Variants in DNAJB14 observed in about 807,000 individuals in gnomAD.
The protein encoded by DNAJB14 is DnaJ heat shock protein family (Hsp40) member B14.
A neutral mutation model predicts 48.4 loss-of-function variants in DNAJB14; 22 were observed. The observed-to-expected ratio is 0.45, with a 90% CI of 0.32 to 0.65. The LOEUF is 0.65. DNAJB14 is among the 30% of genes least tolerant of loss of function. The pLI is 0.03. For missense variants in DNAJB14, 319 were observed against 458.8 expected (o/e 0.70, Z 2.78); for synonymous variants, 142 against 158.7 (o/e 0.89, Z 0.79).
chr4:99,924,878 A>AT, intron 2 of DNAJB14: 1 of 1,242,454 alleles, frequency 8.0e-7, no homozygotes, highest in Middle Eastern at 2.0e-4. Flanking sequence ...TCAACTGTAG[A>AT]TTTTGCCTCT....
At chr4:99,907,835 A>G (rs1204973863) in intron 4 of DNAJB14, among the ~76,000 whole-genome samples, 1 of 152,188 alleles carries the variant, frequency 6.6e-6, no homozygotes, top group African/African-American at 2.4e-5. Flanking sequence ...GACTAAAGCT[A>G]TAATTTTAAG....
At chr4:99,905,818 G>C in intron 5 of DNAJB14, 112 bp from the exon 6 acceptor site, 1 of 1,297,030 alleles carries the variant, frequency 7.7e-7, no homozygotes, top group Non-Finnish European at 1.1e-6. Flanking sequence ...ATCTAGTTCA[G>C]TGCTTTCAAA....
Position 99,901,086 on chromosome 4 carries a change from A to G in DNAJB14, c.1082T>C (p.Leu361Ser). The change falls in exon 8 of 8, where the codon TTG becomes TCG. Residue 361 changes from leucine (L) to serine (S), a missense_variant. Around this residue, in one of 3 missense-constraint regions of DNAJB14, gnomAD observed 166 missense variants for 236.3 expected, o/e 0.70. Coordinates refer to ENST00000442697, the MANE Select transcript of DNAJB14 (RefSeq NM_001031723.4). ...TAATTCTTTACAGTTGTCCATGCTC[A>G]AGGCATCTGCCTTCCTTCGGAGTCG... ...DDRLRRKADA[L>S]SMDNCKELER... 8.1e-6 allele frequency: 13 copies of G among 1,611,178 alleles called. No homozygotes were observed. Among genetic ancestry groups the G allele is most frequent in the Non-Finnish European group, 1.1e-5 (13 of 1,179,340 alleles).
At position 99,937,357 on chromosome 4, in the gene DNAJB14, T is replaced by C. The variant is rs1053944202; in HGVS notation, c.134-6736A>G. On this transcript the variant is annotated intron_variant, in intron 1 of 7. Coordinates refer to ENST00000442697, the MANE Select transcript of DNAJB14 (RefSeq NM_001031723.4). ...GTGGAGGAAAACAGCAATCACTAAC[T>C]TAACTAAGTGATCAAAGTAACCTCA... Among the ~76,000 whole-genome samples, 3 of 152,016 alleles carry C rather than the reference T, an allele frequency of 2.0e-5. No homozygotes were observed. In the East Asian group the frequency reaches 5.8e-4, roughly 29 times the overall value.
intron 2 of DNAJB14, chr4:99,924,653 C>CA (rs1276253563): frequency 1.2e-5 from 18 of 1,454,700 alleles, no homozygotes; most frequent in East Asian, 2.4e-5. Flanking sequence ...TATCTGTAAA[C>CA]AAAAAAAGAG....
At position 99,898,911 on chromosome 4, in the gene DNAJB14, G is replaced by A. The variant is rs912834032; in HGVS notation, c.*2117C>T. ...ATACCATGATATAGATGACATTAAG[G>A]ACTGAATCTTTACTTGCATACTTCA... On this transcript the variant is annotated 3_prime_UTR_variant, in exon 8 of 8. Coordinates refer to ENST00000442697, the MANE Select transcript of DNAJB14 (RefSeq NM_001031723.4). The A allele has an allele frequency of 5.9e-5, 9 of 151,826 alleles. No homozygotes were observed. Among genetic ancestry groups the A allele is most frequent in the Admixed American group, 5.2e-4 (8 of 15,242 alleles). The allele number at this position is 151,826 out of a possible 1,614,324, so 9.4% of individuals were successfully genotyped here.
chr4:99,937,092 G>A (rs1578237397), intron 1 of DNAJB14, among the ~76,000 whole-genome samples: 1 of 151,766 alleles, frequency 6.6e-6, no homozygotes, highest in African/African-American at 2.4e-5. Flanking sequence ...CGAGGCGGGC[G>A]GATCAGGAGG....
intron 1 of DNAJB14, among the ~76,000 whole-genome samples, chr4:99,934,165 T>C (rs28404345): frequency 0.45 from 68,026 of 151,126 alleles, 16,338 homozygotes; most frequent in African/African-American, 0.63. Flanking sequence ...ACAAAAAAAA[T>C]GAAAAGAGAA....
At chr4:99,937,481 T>G (rs954588047) in intron 1 of DNAJB14, among the ~76,000 whole-genome samples, 6 of 152,094 alleles carry the variant, frequency 3.9e-5, no homozygotes, top group African/African-American at 1.4e-4. Flanking sequence ...TCCCAGCACT[T>G]TGGGATGCCA....
intron 1 of DNAJB14, among the ~76,000 whole-genome samples, chr4:99,941,289 T>A (rs555718524): frequency 2.2e-4 from 33 of 152,296 alleles, no homozygotes; most frequent in Non-Finnish European, 3.8e-4. Flanking sequence ...AAGAACTAAA[T>A]GTTAACTAAG....
At chr4:99,926,270 A>C (rs1324836960) in intron 2 of DNAJB14, 1 of 152,166 alleles carries the variant, frequency 6.6e-6, no homozygotes, top group Non-Finnish European at 1.5e-5. Context: ...CTTTGAAGGC[A>C]GGGATTATGT....
intron 2 of DNAJB14, 58 bp from the exon 3 acceptor site, chr4:99,923,243 C>T: frequency 6.9e-7 from 1 of 1,446,288 alleles, no homozygotes; most frequent in Non-Finnish European, 9.4e-7. Context: ...CATGTAATAT[C>T]TCTAATTTTT....
At chr4:99,935,278 A>G (rs1726630635) in intron 1 of DNAJB14, among the ~76,000 whole-genome samples, 1 of 152,202 alleles carries the variant, frequency 6.6e-6, no homozygotes, top group African/African-American at 2.4e-5. Context: ...CTGTCATCAG[A>G]CTTTGTTCAT....
intron 1 of DNAJB14, among the ~76,000 whole-genome samples, chr4:99,938,312 T>C (rs921536000): frequency 6.8e-6 from 1 of 147,482 alleles, no homozygotes; most frequent in African/African-American, 2.5e-5. Context: ...TAAAACATCA[T>C]GGCCACATAA....
Position 99,908,701 on chromosome 4 carries a change from A to T in DNAJB14, c.637+10T>A. 6.4e-7 allele frequency: 1 copy of T among 1,569,768 alleles called. No individual in the cohort carries two copies. The highest frequency in any genetic ancestry group is 1.2e-5 in the South Asian group (1 of 84,120). On this transcript the variant is annotated intron_variant, in intron 4 of 7. Coordinates refer to ENST00000442697, the MANE Select transcript of DNAJB14 (RefSeq NM_001031723.4). ...CATAAAATATAATATCTATAATTAC[A>T]TTAAAATACCTGAAGGAAATCCACC...
intron 1 of DNAJB14, among the ~76,000 whole-genome samples, chr4:99,931,698 A>G (rs543107481): frequency 6.6e-6 from 1 of 151,998 alleles, no homozygotes; most frequent in African/African-American, 2.4e-5. Context: ...GCTAGACCAT[A>G]GAGTGGTCCT....
chr4:99,906,695 T>C, intron 4 of DNAJB14, 84 bp from the exon 5 acceptor site: 1 of 1,154,496 alleles, frequency 8.7e-7, no homozygotes. Context: ...TTCTTTAATT[T>C]TAAAAAATTA....
In DNAJB14 at chr4:99,946,458, G is replaced by A. The variant is rs1277799730; in HGVS notation, c.114C>T (p.Tyr38=). The A allele has an allele frequency of 1.9e-6, 3 of 1,613,136 alleles. No individual in the cohort carries two copies. Among genetic ancestry groups the A allele is most frequent in the Admixed American group, 3.3e-5 (2 of 59,950 alleles). ...TCTCACCGCGGGCCGAGGGCAGTGG[G>A]TAGAGCTTCTCGGCCTTCTGCAGGA... is the stretch of plus-strand genomic sequence containing the variant. ...QRFLQKAEKL[Y]PLPSARALLE... The change falls in exon 1 of 8, where the codon TAC becomes TAT. Residue 38 remains tyrosine, a synonymous_variant. Transcript: ENST00000442697.
chr4:99,916,311 T>C (rs970705632), intron 3 of DNAJB14, among the ~76,000 whole-genome samples: 1 of 152,148 alleles, frequency 6.6e-6, no homozygotes, highest in Non-Finnish European at 1.5e-5. Context: ...GCTAATTTTT[T>C]AATTTTTTAT....
Sources: gnomAD v4.1 joint callset for allele counts (sites outside exome capture counted in the v4.1 genomes callset) on GRCh38, gnomAD v4.1.1 for gene constraint, gnomAD v4.1.1 regional missense constraint, MANE v1.5 for transcripts, NCBI Gene and HGNC (gene_info 2026-07-23, HGNC 2026-07-21) for gene names.